Variants in SHROOM3 observed in about 807,000 individuals in gnomAD.
The protein encoded by SHROOM3 is protein Shroom3.
Under a neutral mutation model 138.6 loss-of-function variants are expected in SHROOM3, and 47 were observed. The observed-to-expected ratio is 0.34, with a 90% CI of 0.27 to 0.43. The LOEUF is 0.43. SHROOM3 is among the 20% of genes least tolerant of loss of function. SHROOM3 has a pLI of 1.00. For missense variants in SHROOM3, 2,491 were observed against 2,596.5 expected (o/e 0.96, Z 0.88); for synonymous variants, 1,062 against 1,063.3 (o/e 1.00, Z 0.02).
intron 2 of SHROOM3, among the ~76,000 whole-genome samples, chr4:76,626,812 A>G (rs1466253727): frequency 6.6e-6 from 1 of 152,154 alleles, no homozygotes; most frequent in Non-Finnish European, 1.5e-5. Flanking sequence ...TCTTTATAGC[A>G]TATTTCTCTT....
chr4:76,546,649 C>T (rs1012679234), intron 1 of SHROOM3, among the ~76,000 whole-genome samples: 4 of 152,174 alleles, frequency 2.6e-5, no homozygotes, highest in East Asian at 3.8e-4. Context: ...AGATTCTTGA[C>T]GTCTTTTGTT....
chr4:76,591,758 T>C (rs1734277877), intron 2 of SHROOM3, among the ~76,000 whole-genome samples: 1 of 152,218 alleles, frequency 6.6e-6, no homozygotes, highest in East Asian at 1.9e-4. Flanking sequence ...ATGACGTTTT[T>C]CTTTCTATAA....
intron 2 of SHROOM3, among the ~76,000 whole-genome samples, chr4:76,581,189 G>A (rs1734047134): frequency 6.6e-6 from 1 of 152,098 alleles, no homozygotes; most frequent in Admixed American, 6.6e-5. Flanking sequence ...GGGATGTTGG[G>A]ACTTTGAAGG....
chr4:76,455,940 G>C (rs769314698), intron 1 of SHROOM3, among the ~76,000 whole-genome samples: 6 of 152,096 alleles, frequency 3.9e-5, no homozygotes, highest in Admixed American at 2.6e-4. Context: ...GGATGCTTAA[G>C]TCTCTTATAT....
chr4:76,475,464 G>A (rs992154972), intron 1 of SHROOM3, among the ~76,000 whole-genome samples: 2 of 152,190 alleles, frequency 1.3e-5, no homozygotes, highest in African/African-American at 4.8e-5. Context: ...AGACTTTTGG[G>A]TCAGAGATAA....
intron 3 of SHROOM3, among the ~76,000 whole-genome samples, chr4:76,712,627 T>C (rs1346956590): frequency 1.3e-5 from 2 of 152,178 alleles, no homozygotes; most frequent in Non-Finnish European, 2.9e-5. Context: ...ACAAGCAATT[T>C]CCTTTGTAAA....
chr4:76,731,143 C>G (rs1010450123), intron 4 of SHROOM3, among the ~76,000 whole-genome samples: 2 of 152,130 alleles, frequency 1.3e-5, no homozygotes, highest in Non-Finnish European at 2.9e-5. Context: ...ACTTGAAGAT[C>G]AGAATTATTT....
intron 2 of SHROOM3, among the ~76,000 whole-genome samples, chr4:76,594,611 C>A (rs1471009385): frequency 2.6e-5 from 4 of 152,186 alleles, no homozygotes; most frequent in Non-Finnish European, 5.9e-5. Flanking sequence ...TTGTTAGGCA[C>A]TCATTCATAG....
At chr4:76,610,067 C>T (rs1214993699) in intron 2 of SHROOM3, among the ~76,000 whole-genome samples, 3 of 152,206 alleles carry the variant, frequency 2.0e-5, no homozygotes. Flanking sequence ...TGTTTTCCTT[C>T]ATAAAGGGTA....
chr4:76,749,434 A>G (rs1377135663), intron 6 of SHROOM3, among the ~76,000 whole-genome samples: 1 of 152,216 alleles, frequency 6.6e-6, no homozygotes, highest in African/African-American at 2.4e-5. Flanking sequence ...AACATGTGCT[A>G]CTGAGGACAA....
At chr4:76,777,732 T>G (rs927530490) in intron 10 of SHROOM3, among the ~76,000 whole-genome samples, 1 of 152,216 alleles carries the variant, frequency 6.6e-6, no homozygotes, top group Non-Finnish European at 1.5e-5. Flanking sequence ...GGCTGTGGGT[T>G]TGTCTCCTCA....
Position 76,770,809 on chromosome 4 carries a change from G to T in SHROOM3, c.5533G>T (p.Val1845Phe). 6.2e-7 allele frequency: 1 copy of T among 1,614,206 alleles called. No homozygotes were observed. The highest frequency in any genetic ancestry group is 8.5e-7 in the Non-Finnish European group (1 of 1,180,034). Residue 1845 changes from valine (V) to phenylalanine (F), a missense_variant, in exon 10 of 11, where the codon GTC becomes TTC. Transcript: ENST00000296043. ...RMFIGDLDKV[V>F]NLLLSLSGRL... Reference sequence around the variant, plus strand: ...GTTCATAGGGGATTTGGACAAGGTGGTCAACCTGCTGCTCTCCCTCTCGGG... The same window carrying T: ...GTTCATAGGGGATTTGGACAAGGTGTTCAACCTGCTGCTCTCCCTCTCGGG...
chr4:76,493,871 C>T (rs147671233), intron 1 of SHROOM3, among the ~76,000 whole-genome samples: 4,823 of 152,218 alleles, frequency 0.032, 92 homozygotes, highest in Middle Eastern at 0.061. Context: ...CCCAGCTACT[C>T]AGGAGACTGA....
At position 76,716,032 on chromosome 4, in the gene SHROOM3, C is replaced by T. The variant is rs542767408; in HGVS notation, c.455+5745C>T. 6 of 201,964 alleles carry T rather than the reference C, an allele frequency of 3.0e-5. No homozygotes were observed. In the East Asian group the frequency reaches 6.5e-4, roughly 22 times the overall value. The allele number at this position is 201,964 out of a possible 1,614,324, so 12.5% of individuals were successfully genotyped here. A position where few individuals can be genotyped will look rare whatever the true frequency, so the allele number is the denominator to read the frequency against. ...TATCATCAGATGATTTTCCTTGCTT[C>T]CCTCCTCCTCTTGCCCACAAAAATA... is the stretch of plus-strand genomic sequence containing the variant. On this transcript the variant is annotated intron_variant, in intron 3 of 10. Transcript: ENST00000296043.
At chr4:76,601,274 G>T (rs4859695) in intron 2 of SHROOM3, among the ~76,000 whole-genome samples, 23,141 of 152,038 alleles carry the variant, frequency 0.15, 1,901 homozygotes, top group East Asian at 0.27. Flanking sequence ...TGGGGAGGGG[G>T]TCGTGCTACT....
intron 2 of SHROOM3, among the ~76,000 whole-genome samples, chr4:76,635,369 C>T (rs1457048788): frequency 1.3e-5 from 2 of 152,092 alleles, no homozygotes; most frequent in African/African-American, 2.4e-5. Flanking sequence ...TGAGACCTGC[C>T]CTCCTCTTCG....
chr4:76,761,417 T>C lies in SHROOM3; in HGVS notation c.5349+1722T>C, dbSNP rs576350916. 7.2e-5 allele frequency among the ~76,000 whole-genome samples: 11 copies of C among 152,352 alleles called. No homozygotes were observed. In the East Asian group the frequency reaches 2.1e-3, roughly 29 times the overall value. ...CCAAGTGTGGGCTATGTATTTGATT[T>C]TCTTTTCAACACAATGCTGTACTAT... is the stretch of plus-strand genomic sequence containing the variant. On this transcript the variant is annotated intron_variant, in intron 9 of 10. Transcript: ENST00000296043.
intron 2 of SHROOM3, among the ~76,000 whole-genome samples, chr4:76,586,677 A>G (rs1418069966): frequency 1.3e-5 from 2 of 152,212 alleles, no homozygotes; most frequent in Non-Finnish European, 2.9e-5. Flanking sequence ...TGGGGAGGAG[A>G]GAGCTTGACA....
intron 2 of SHROOM3, among the ~76,000 whole-genome samples, chr4:76,655,380 T>A (rs1433907792): frequency 6.6e-6 from 1 of 152,192 alleles, no homozygotes; most frequent in Non-Finnish European, 1.5e-5. Context: ...ATTTATACAT[T>A]TTTAGCATCA....
Sources: allele counts gnomAD v4.1 joint callset (sites outside exome capture counted in the v4.1 genomes callset), GRCh38; gene constraint gnomAD v4.1.1; transcripts MANE v1.5; gene names NCBI Gene and HGNC (gene_info 2026-07-23, HGNC 2026-07-21).